ITPR2: variants seen among roughly 807,000 people sequenced by gnomAD.
ITPR2 encodes inositol 1,4,5-trisphosphate receptor type 2, also known as inositol 1,4,5-trisphosphate-gated calcium channel ITPR2.
A neutral mutation model predicts 317.1 loss-of-function variants in ITPR2; 207 were observed. That is an observed-to-expected ratio of 0.65 (90% CI 0.58 to 0.73). ITPR2 has a LOEUF of 0.73. ITPR2 is among the 30% of genes least tolerant of loss of function. The probability of loss-of-function intolerance (pLI) is 0.00; values close to 1 mark genes in which losing one functional copy is unlikely to be tolerated. For missense variants in ITPR2, 2,613 were observed against 3,284.0 expected, an observed-to-expected ratio of 0.80 and a Z score of 4.99; for synonymous variants, 1,156 against 1,149.1, an observed-to-expected ratio of 1.01 and a Z score of -0.12.
Position 26,658,036 on chromosome 12 carries a change from T to C in ITPR2, c.1981A>G (p.Asn661Asp), listed in dbSNP as rs1156918193. ...TTAGTTTGAATGAGAATGTCTGCATTGCCTGGACTCAACATAAATTTACAG... is the reference window on the plus strand; with the variant it reads ...TTAGTTTGAATGAGAATGTCTGCATCGCCTGGACTCAACATAAATTTACAG... ...LICKFMLSPG[N>D]ADILIQTKVV... The change falls in exon 17 of 57, where the codon AAT (asparagine) becomes GAT (aspartate). Residue 661 changes from asparagine (N) to aspartate (D), a missense_variant. Transcript: ENST00000381340. The C allele has an allele frequency of 8.1e-6, 13 of 1,613,232 alleles. No individual in the cohort carries two copies. The highest frequency in any genetic ancestry group is 9.3e-6 in the Non-Finnish European group (11 of 1,179,658).
At chr12:26,634,534 C>A (rs1591983184) in intron 21 of ITPR2, among the ~76,000 whole-genome samples, 1 of 152,032 alleles carries the variant, frequency 6.6e-6, no homozygotes. Context: ...CATTTGTGTA[C>A]AAAGTGTAAT....
At chr12:26,508,032 T>C (rs1167786867) in intron 37 of ITPR2, among the ~76,000 whole-genome samples, 1 of 152,148 alleles carries the variant, frequency 6.6e-6, no homozygotes, top group East Asian at 1.9e-4. Context: ...TAAGCATAAA[T>C]GACTGGGTTG....
intron 1 of ITPR2, among the ~76,000 whole-genome samples, chr12:26,829,839 T>C (rs924581804): frequency 6.6e-6 from 1 of 152,206 alleles, no homozygotes; most frequent in Non-Finnish European, 1.5e-5. Context: ...GAGCAGTCTA[T>C]CTCAGAAAAA....
Position 26,589,845 on chromosome 12 carries a change from TATATATATACACAC to T in ITPR2, c.4380+5606_4380+5619del, listed in dbSNP as rs1565624366. ...ATAAATAAATAAACATATATATATA[TATATATATACACAC>T]ACACACACACACACACACACACACA... On this transcript the variant is annotated intron_variant, in intron 32 of 56. Transcript: ENST00000381340. Among the ~76,000 whole-genome samples the T allele has an allele frequency of 1.3e-3, 37 of 29,296 alleles. 2 individuals are homozygous for T. The highest frequency in any genetic ancestry group is 4.5e-3 in the African/African-American group (37 of 8,242). The allele number at this position is 29,296 out of a possible 152,430, so 19.2% of individuals were successfully genotyped here. A position where few individuals can be genotyped will look rare whatever the true frequency, so the allele number is the denominator to read the frequency against.
At chr12:26,339,507 G>A (rs1346881320) in intron 56 of ITPR2, 24 bp from the exon 57 acceptor site, 1 of 1,600,766 alleles carries the variant, frequency 6.2e-7, no homozygotes, top group Admixed American at 1.7e-5. Context: ...GAGAGTGTGT[G>A]TTCAGCGGAT....
chr12:26,602,818 T>C, intron 26 of ITPR2, 112 bp from the exon 27 acceptor site: 1 of 502,146 alleles, frequency 2.0e-6, no homozygotes, highest in East Asian at 3.7e-5. Context: ...ATAAATCTAT[T>C]ATTCAACTTA....
In ITPR2 at chr12:26,599,988, C is replaced by A. The variant is rs1210426908; in HGVS notation, c.3800G>T (p.Gly1267Val). The A allele has an allele frequency of 1.2e-6, 2 of 1,600,728 alleles. No homozygotes were observed. The highest frequency in any genetic ancestry group is 8.6e-7 in the Non-Finnish European group (1 of 1,168,948). ...ACTAGAAGCCACTAAAATACTTACA[C>A]CTGGAGTTAAAAACAAATTCAGATG... ...HKHLNLFLTP[G>V]LLEAETMRHI... The change falls in exon 29 of 57, where the codon GGT becomes GTT. Residue 1267 changes from glycine to valine, a missense_variant and splice_region_variant. Around this residue, in one of 9 missense-constraint regions of ITPR2, gnomAD observed 817 missense variants for 897.6 expected, o/e 0.91. Transcript: ENST00000381340.
At chr12:26,605,324 A>G (rs930699995) in intron 26 of ITPR2, among the ~76,000 whole-genome samples, 1 of 151,938 alleles carries the variant, frequency 6.6e-6, no homozygotes, top group African/African-American at 2.4e-5. Context: ...AAAAGCTAAA[A>G]ATATAATTAG....
At chr12:26,419,578 G>A in intron 49 of ITPR2, 1 of 161,438 alleles carries the variant, frequency 6.2e-6, no homozygotes, top group Non-Finnish European at 1.3e-5. Context: ...TGCAGCTGAG[G>A]GCCTTGATGG....
chr12:26,685,289 A>T (rs1371963911), intron 11 of ITPR2, among the ~76,000 whole-genome samples: 2 of 152,288 alleles, frequency 1.3e-5, no homozygotes, highest in South Asian at 4.1e-4. Context: ...TAGACAAAAA[A>T]GCTTAACTAA....
rs1430335573 is a variant in ITPR2 at position 26,656,356 on chromosome 12, C to T, written c.2385G>A (p.Val795=). 6.2e-7 allele frequency: 1 copy of T among 1,614,016 alleles called. No individual in the cohort carries two copies. The highest frequency in any genetic ancestry group is 1.7e-5 in the Admixed American group (1 of 60,004). ...AGAGCCTGGCATAGCGAACAGGCACCACGGACTCCTGGGGATCCCGGTCAA... is the reference window on the plus strand; with the variant it reads ...AGAGCCTGGCATAGCGAACAGGCACTACGGACTCCTGGGGATCCCGGTCAA... The part of the protein sequence containing the change: ...MHVDRDPQES[V]VPVRYARLWT... Residue 795 remains valine (V), a synonymous_variant, in exon 19 of 57, where the codon GTG becomes GTA. Transcript: ENST00000381340.
chr12:26,461,724 A>T (rs1481064646), intron 45 of ITPR2, among the ~76,000 whole-genome samples: 1 of 149,484 alleles, frequency 6.7e-6, no homozygotes, highest in Non-Finnish European at 1.5e-5. Flanking sequence ...ACACATACAT[A>T]TAAAGTTACA....
In ITPR2 at chr12:26,657,828, C is replaced by T; in HGVS notation, c.2071G>A (p.Glu691Lys). The part of the protein sequence containing the change: ...SSILSDDIDD[E>K]EVWLYWIDSN... ...TCAATCCAATAGAGCCAAACTTCTT[C>T]ATCATCAATGTCATCTGAAAGGATG... The change falls in exon 18 of 57, where the codon GAA becomes AAA. Residue 691 changes from glutamate (E) to lysine (K), a missense_variant. By Grantham distance (56) the Glu-to-Lys change is moderately conservative. This residue lies in a region of ITPR2 where 817 missense variants were observed against 897.6 expected (regional missense o/e 0.91). Coordinates refer to ENST00000381340, the MANE Select transcript of ITPR2 (RefSeq NM_002223.4). 1 of 1,614,172 alleles carries T rather than the reference C, an allele frequency of 6.2e-7. No individual in the cohort carries two copies. The highest frequency in any genetic ancestry group is 8.5e-7 in the Non-Finnish European group (1 of 1,180,024).
chr12:26,356,285 T>A (rs1938634695), intron 55 of ITPR2, among the ~76,000 whole-genome samples: 1 of 152,218 alleles, frequency 6.6e-6, no homozygotes, highest in African/African-American at 2.4e-5. Context: ...CCTCCACCTT[T>A]ACTTGGCAGC....
intron 26 of ITPR2, among the ~76,000 whole-genome samples, chr12:26,604,232 C>T (rs1376027846): frequency 6.6e-6 from 1 of 152,210 alleles, no homozygotes; most frequent in African/African-American, 2.4e-5. Flanking sequence ...ACACTCCTCA[C>T]TCAGCTTTAT....
At chr12:26,799,129 G>T (rs1252821219) in intron 1 of ITPR2, among the ~76,000 whole-genome samples, 1 of 152,136 alleles carries the variant, frequency 6.6e-6, no homozygotes, top group Non-Finnish European at 1.5e-5. Flanking sequence ...TAGGTTTGTT[G>T]CTGCCAATAT....
At chr12:26,529,925 T>TCATTG (rs1476390027) in intron 37 of ITPR2, among the ~76,000 whole-genome samples, 4 of 152,228 alleles carry the variant, frequency 2.6e-5, no homozygotes, top group African/African-American at 9.6e-5. Context: ...TTGTTTTGTT[T>TCATTG]TCTTTCACAA....
At chr12:26,503,472 A>C (rs1943119332) in intron 37 of ITPR2, among the ~76,000 whole-genome samples, 1 of 152,244 alleles carries the variant, frequency 6.6e-6, no homozygotes, top group African/African-American at 2.4e-5. Flanking sequence ...CTTGAGAATT[A>C]AATGAGATAA....
chr12:26,569,576 GA>G (rs1005157139), intron 34 of ITPR2, among the ~76,000 whole-genome samples: 5 of 129,734 alleles, frequency 3.9e-5, no homozygotes, highest in African/African-American at 1.1e-4. Context: ...AATCAGAAAA[GA>G]AAAAAAGAGA....
Sources: allele counts gnomAD v4.1 joint callset (sites outside exome capture counted in the v4.1 genomes callset), GRCh38; gene constraint gnomAD v4.1.1; regional missense constraint gnomAD v4.1.1; transcripts MANE v1.5; gene names NCBI Gene and HGNC (gene_info 2026-07-23, HGNC 2026-07-21).